Variants in CYP2C19 observed in about 807,000 individuals in gnomAD.
CYP2C19 encodes cytochrome P450 2C19.
Under a neutral mutation model 40.9 loss-of-function variants are expected in CYP2C19, and 59 were observed. The observed-to-expected ratio is 1.44, with a 90% CI of 1.17 to 1.79. CYP2C19 has a LOEUF of 1.79. Among genes scored for constraint, CYP2C19 ranks in the 40% most tolerant of loss-of-function variants. CYP2C19 has a pLI of 0.00. For missense variants in CYP2C19, 754 were observed against 596.9 expected (o/e 1.26, Z -2.74); for synonymous variants, 253 against 208.7 (o/e 1.21, Z -1.83).
At position 94,801,245 on chromosome 10, in the gene CYP2C19, C is replaced by T. The variant is rs114154175; in HGVS notation, c.819+19248C>T. Reference sequence around the variant, plus strand: ...GTGGACATTTAGCGGTATCAATTTCCCTCTACACAATGCTTTAAATGTGTC... The same window carrying T: ...GTGGACATTTAGCGGTATCAATTTCTCTCTACACAATGCTTTAAATGTGTC... On this transcript the variant is annotated intron_variant, in intron 5 of 8. Coordinates refer to ENST00000371321, the MANE Select transcript of CYP2C19 (RefSeq NM_000769.4). 4.7e-3 allele frequency among the ~76,000 whole-genome samples: 714 copies of T among 152,284 alleles called. 3 individuals carry two copies. The highest frequency in any genetic ancestry group is 0.017 in the African/African-American group (689 of 41,552).
intron 5 of CYP2C19, among the ~76,000 whole-genome samples, chr10:94,813,129 G>C (rs574269881): frequency 2.6e-5 from 4 of 152,000 alleles, no homozygotes; most frequent in Non-Finnish European, 5.9e-5. Flanking sequence ...AGGCCCTTCT[G>C]CTGCAGGTCT....
At chr10:94,783,383 G>T (rs1465677928) in intron 5 of CYP2C19, among the ~76,000 whole-genome samples, 1 of 152,064 alleles carries the variant, frequency 6.6e-6, no homozygotes, top group African/African-American at 2.4e-5. Flanking sequence ...ACATGGAGGT[G>T]TAGAGGTGTG....
intron 7 of CYP2C19, 96 bp from the exon 8 acceptor site, chr10:94,849,821 T>A (rs1849625022): frequency 2.1e-6 from 3 of 1,453,416 alleles, no homozygotes; most frequent in Admixed American, 3.4e-5. Context: ...TGTTTCATCA[T>A]CTGTACATCA....
intron 5 of CYP2C19, among the ~76,000 whole-genome samples, chr10:94,784,665 G>C (rs578136133): frequency 6.6e-6 from 1 of 151,782 alleles, no homozygotes; most frequent in African/African-American, 2.4e-5. Context: ...GCCTAGGCTC[G>C]AGTGCAGTAG....
intron 5 of CYP2C19, among the ~76,000 whole-genome samples, chr10:94,808,035 T>C (rs1848859715): frequency 6.6e-6 from 1 of 152,178 alleles, no homozygotes; most frequent in African/African-American, 2.4e-5. Flanking sequence ...GTTTTGAGTT[T>C]ATTTTTGTAA....
chr10:94,847,183 T>G (rs1415083707), intron 7 of CYP2C19, among the ~76,000 whole-genome samples: 1 of 151,968 alleles, frequency 6.6e-6, no homozygotes, highest in African/African-American at 2.4e-5. Context: ...CCCATTAACT[T>G]GTCATTTAGC....
rs1353566973 is a variant in CYP2C19, at chr10:94,853,456, CTG to C, written c.*546_*547del. 2.6e-5 allele frequency among the ~76,000 whole-genome samples: 4 copies of C among 151,868 alleles called. No individual in the cohort carries two copies. Among genetic ancestry groups the C allele is most frequent in the African/African-American group, 7.3e-5 (3 of 41,308 alleles). On this transcript the variant is annotated 3_prime_UTR_variant, in exon 9 of 9. Transcript: ENST00000371321. Reference sequence around the variant, plus strand: ...GAGGATTGGATTTGAAAGTGAGAAACTGTGTCCAGGAGCAGCTCCAACCTCTA... The same window carrying C: ...GAGGATTGGATTTGAAAGTGAGAAACTGTCCAGGAGCAGCTCCAACCTCTA...
At chr10:94,842,763 A>G (rs1849514851) in intron 6 of CYP2C19, 74 bp from the exon 7 acceptor site, 2 of 1,482,346 alleles carry the variant, frequency 1.3e-6, no homozygotes, top group African/African-American at 2.8e-5. Flanking sequence ...ATCATGATTC[A>G]TGTACCCCTG....
rs1354607765 is a variant in CYP2C19, at chr10:94,854,182, C to G, written c.*1268C>G. Reference sequence around the variant, plus strand: ...TACAGGTGCCTACCACCACACCAGGCTAATTTTTGTATTTTTAGTAGAGAC... The same window carrying G: ...TACAGGTGCCTACCACCACACCAGGGTAATTTTTGTATTTTTAGTAGAGAC... On this transcript the variant is annotated 3_prime_UTR_variant, in exon 9 of 9. Coordinates refer to ENST00000371321, the MANE Select transcript of CYP2C19 (RefSeq NM_000769.4). Among the ~76,000 whole-genome samples the G allele has an allele frequency of 2.0e-5, 3 of 151,834 alleles. No individual in the cohort carries two copies. The highest frequency in any genetic ancestry group is 4.4e-5 in the Non-Finnish European group (3 of 67,956).
chr10:94,818,985 G>C (rs1421456705), intron 5 of CYP2C19, among the ~76,000 whole-genome samples: 3 of 150,862 alleles, frequency 2.0e-5, no homozygotes, highest in Non-Finnish European at 4.4e-5. Context: ...CCACATAGTT[G>C]GAAGTAAAGC....
chr10:94,839,747 C>T (rs1027634450), intron 6 of CYP2C19, among the ~76,000 whole-genome samples: 1 of 152,158 alleles, frequency 6.6e-6, no homozygotes. Context: ...GTATCAATTA[C>T]TGAATGTCCA....
chr10:94,827,160 A>G (rs990441092), intron 6 of CYP2C19, among the ~76,000 whole-genome samples: 3 of 151,458 alleles, frequency 2.0e-5, no homozygotes, highest in African/African-American at 7.3e-5. Context: ...TTGGTATCAG[A>G]ATGATGCTGG....
chr10:94,848,270 G>A (rs1255111603), intron 7 of CYP2C19, among the ~76,000 whole-genome samples: 2 of 152,174 alleles, frequency 1.3e-5, no homozygotes, highest in Admixed American at 6.5e-5. Flanking sequence ...TGTAAAGAAG[G>A]GATCCAGTTT....
intron 5 of CYP2C19, among the ~76,000 whole-genome samples, chr10:94,789,578 C>T (rs1848581494): frequency 6.6e-6 from 1 of 152,004 alleles, no homozygotes; most frequent in South Asian, 2.1e-4. Context: ...GCCAGTTTTC[C>T]CAACACCATT....
At chr10:94,775,821 A>T (rs1848400585) in intron 3 of CYP2C19, 1 of 504,330 alleles carries the variant, frequency 2.0e-6, no homozygotes, top group Non-Finnish European at 3.5e-6. Flanking sequence ...ATGAATATAG[A>T]TTTTGAGTTC....
At position 94,850,537 on chromosome 10, in the gene CYP2C19, T is replaced by C. The variant is rs1164715679; in HGVS notation, c.1291+479T>C. On this transcript the variant is annotated intron_variant, in intron 8 of 8. Transcript: ENST00000371321. ...TTTGGAAAGCAGAGTAAACAGATCATTGTAGTTCAATAGGACTGAGGCTGT... is the reference window on the plus strand; with the variant it reads ...TTTGGAAAGCAGAGTAAACAGATCACTGTAGTTCAATAGGACTGAGGCTGT... 3.3e-5 allele frequency among the ~76,000 whole-genome samples: 5 copies of C among 152,132 alleles called. No homozygotes were observed. The South Asian group carries it at 8.3e-4, about 25-fold the overall frequency.
At chr10:94,819,048 C>T (rs1464627590) in intron 5 of CYP2C19, among the ~76,000 whole-genome samples, 5 of 149,536 alleles carry the variant, frequency 3.3e-5, no homozygotes, top group Non-Finnish European at 7.5e-5. Context: ...TCTCTCAGAC[C>T]ACAGTGCAAT....
intron 7 of CYP2C19, among the ~76,000 whole-genome samples, chr10:94,848,068 G>A (rs1413136543): frequency 6.6e-6 from 1 of 152,130 alleles, no homozygotes; most frequent in Non-Finnish European, 1.5e-5. Context: ...CTGTGCAGAA[G>A]CTCTTTAGTT....
chr10:94,791,565 G>A (rs887089356), intron 5 of CYP2C19, among the ~76,000 whole-genome samples: 6 of 152,070 alleles, frequency 3.9e-5, no homozygotes, highest in Non-Finnish European at 8.8e-5. Context: ...GGTGTGTTGT[G>A]TCTTTGTTCT....
Sources: gnomAD v4.1 joint callset for allele counts (sites outside exome capture counted in the v4.1 genomes callset) on GRCh38, gnomAD v4.1.1 for gene constraint, MANE v1.5 for transcripts, NCBI Gene and HGNC (gene_info 2026-07-23, HGNC 2026-07-21) for gene names.